Variants in KCNN2 observed in about 807,000 individuals in gnomAD.
KCNN2 encodes the protein small conductance calcium-activated potassium channel protein 2.
In KCNN2, 24 loss-of-function variants were observed where a neutral mutation model predicts 55.5. The observed-to-expected ratio is 0.43, with a 90% CI of 0.31 to 0.61. The LOEUF is 0.61. Ranked by LOEUF, KCNN2 falls within the 20% of genes least tolerant of loss-of-function variation. The probability of loss-of-function intolerance (pLI) is 0.08; values close to 1 mark genes in which losing one functional copy is unlikely to be tolerated. For synonymous variants in KCNN2, 431 were observed against 336.1 expected (o/e 1.28, Z -3.09); for missense variants, 754 against 853.6 (o/e 0.88, Z 1.45).
intron 2 of KCNN2, among the ~76,000 whole-genome samples, chr5:114,272,422 T>TATGTACGTACATATCTACACACAC (rs1755368292): frequency 3.6e-5 from 1 of 27,582 alleles, no homozygotes; most frequent in Non-Finnish European, 2.3e-4. Flanking sequence ...TCTACACACA[T>TATGTACGTACATATCTACACACAC]ATGTACGTAC....
intron 2 of KCNN2, among the ~76,000 whole-genome samples, chr5:114,340,092 C>A (rs1293607497): frequency 1.3e-5 from 2 of 152,122 alleles, no homozygotes; most frequent in Admixed American, 1.3e-4. Flanking sequence ...CTTTCTATTA[C>A]ACAATGAAAG....
At chr5:114,271,326 A>C (rs1298395064) in intron 2 of KCNN2, among the ~76,000 whole-genome samples, 3 of 152,124 alleles carry the variant, frequency 2.0e-5, no homozygotes, top group African/African-American at 7.2e-5. Flanking sequence ...CAGAGTGCTG[A>C]TTGGTGTGTT....
chr5:114,345,268 C>G (rs1483525055), intron 2 of KCNN2, among the ~76,000 whole-genome samples: 1 of 152,076 alleles, frequency 6.6e-6, no homozygotes, highest in African/African-American at 2.4e-5. Context: ...GTGTCAACTT[C>G]CTGGTACAAA....
At chr5:114,465,314 T>TA (rs1201127370) in intron 4 of KCNN2, among the ~76,000 whole-genome samples, 10 of 152,132 alleles carry the variant, frequency 6.6e-5, no homozygotes, top group Admixed American at 5.9e-4. Flanking sequence ...TTACTTTGCT[T>TA]AAAAAAGAGA....
intron 2 of KCNN2, among the ~76,000 whole-genome samples, chr5:114,304,795 T>G (rs1172680612): frequency 6.6e-6 from 1 of 152,198 alleles, no homozygotes. Context: ...TTCAGAAAGA[T>G]AGGTCAGAGA....
At chr5:114,279,606 C>T (rs1194892470) in intron 2 of KCNN2, among the ~76,000 whole-genome samples, 3 of 152,162 alleles carry the variant, frequency 2.0e-5, no homozygotes, top group African/African-American at 7.2e-5. Flanking sequence ...TAGCTTCATC[C>T]ATGTCCCTGC....
intron 1 of KCNN2, among the ~76,000 whole-genome samples, chr5:114,205,362 A>AT (rs936983429): frequency 6.6e-6 from 1 of 152,324 alleles, no homozygotes; most frequent in Middle Eastern, 3.4e-3. Flanking sequence ...CAGTAATCTG[A>AT]TTTTTTAATA....
chr5:114,081,367 C>A (rs1750816813), intron 1 of KCNN2, among the ~76,000 whole-genome samples: 1 of 152,088 alleles, frequency 6.6e-6, no homozygotes, highest in Non-Finnish European at 1.5e-5. Flanking sequence ...TGGGAAGACT[C>A]ATATTTTCTC....
Position 114,186,958 on chromosome 5 carries a change from C to T in KCNN2, c.-270-34522C>T, listed in dbSNP as rs370520740. On this transcript the variant is annotated intron_variant, in intron 1 of 10. Transcript: ENST00000512097. ...ACAGAGATAAAAATCACGAGATAAT[C>T]TCCCTATGAACATGGTAAAGAAGTC... 3.4e-4 allele frequency among the ~76,000 whole-genome samples: 51 copies of T among 152,226 alleles called. No homozygotes were observed. In the South Asian group the frequency reaches 5.8e-3, roughly 17 times the overall value.
chr5:114,213,445 G>T (rs1206140373), intron 1 of KCNN2, among the ~76,000 whole-genome samples: 7 of 146,678 alleles, frequency 4.8e-5, no homozygotes, highest in African/African-American at 1.5e-4. Flanking sequence ...TTTTAATTCA[G>T]TACATCCTCC....
At chr5:114,285,419 A>G (rs1354169063) in intron 2 of KCNN2, among the ~76,000 whole-genome samples, 1 of 152,136 alleles carries the variant, frequency 6.6e-6, no homozygotes, top group African/African-American at 2.4e-5. Context: ...AAGTGGTTTA[A>G]TAATGTTAGA....
intron 1 of KCNN2, among the ~76,000 whole-genome samples, chr5:114,176,786 T>A (rs180944899): frequency 6.6e-6 from 1 of 152,328 alleles, no homozygotes; most frequent in African/African-American, 2.4e-5. Context: ...ACAGAACTGG[T>A]TAATGTTTTA....
At chr5:114,156,342 T>C (rs1448170547) in intron 1 of KCNN2, among the ~76,000 whole-genome samples, 2 of 152,200 alleles carry the variant, frequency 1.3e-5, no homozygotes, top group East Asian at 3.8e-4. Context: ...TTCTTTTTAC[T>C]TGGCCTTGCC....
intron 2 of KCNN2, among the ~76,000 whole-genome samples, chr5:114,313,124 G>A (rs1384108951): frequency 6.6e-6 from 1 of 151,960 alleles, no homozygotes; most frequent in Non-Finnish European, 1.5e-5. Context: ...TGTACATTTA[G>A]CTTCATCATT....
intron 1 of KCNN2, among the ~76,000 whole-genome samples, chr5:114,215,417 T>G (rs1330416172): frequency 1.3e-5 from 2 of 152,128 alleles, no homozygotes; most frequent in Non-Finnish European, 2.9e-5. Flanking sequence ...TTTTTTTCAT[T>G]GTGAAACATA....
chr5:114,444,532 A>T (rs1760330429), intron 3 of KCNN2, among the ~76,000 whole-genome samples: 1 of 152,134 alleles, frequency 6.6e-6, no homozygotes, highest in Non-Finnish European at 1.5e-5. Context: ...AGCAGAGGCC[A>T]GGCCAAAAAG....
Position 114,315,909 on chromosome 5 carries a change from T to C in KCNN2, c.-184-45036T>C, listed in dbSNP as rs185258976. On this transcript the variant is annotated intron_variant, in intron 2 of 10. Coordinates refer to the KCNN2 transcript ENST00000512097. ...CAGAGTTACCTAAGATATGCTGAGA[T>C]ATAGAGTAGGGAAGCTGTTAGGAAT... is the stretch of plus-strand genomic sequence containing the variant. 2.0e-5 allele frequency among the ~76,000 whole-genome samples: 3 copies of C among 152,160 alleles called. No individual in the cohort carries two copies. In the East Asian group the frequency reaches 5.8e-4, roughly 29 times the overall value.
chr5:114,446,059 C>G (rs1458582152), intron 3 of KCNN2, among the ~76,000 whole-genome samples: 1 of 152,304 alleles, frequency 6.6e-6, no homozygotes, highest in South Asian at 2.1e-4. Flanking sequence ...CTGGCCTCCT[C>G]CCCTGGCCCC....
chr5:114,285,283 C>CAG (rs1755717566), intron 2 of KCNN2, among the ~76,000 whole-genome samples: 3 of 56,276 alleles, frequency 5.3e-5, no homozygotes, highest in East Asian at 1.2e-3. Flanking sequence ...ACTCCATCTC[C>CAG]AAAAAAAAAA....
Sources: allele counts gnomAD v4.1 joint callset (sites outside exome capture counted in the v4.1 genomes callset), GRCh38; gene constraint gnomAD v4.1.1; transcripts MANE v1.5; gene names NCBI Gene and HGNC (gene_info 2026-07-23, HGNC 2026-07-21).